The following UBA6 variants were observed in gnomAD, a reference collection of about 807,000 sequenced individuals.
UBA6 encodes the protein ubiquitin like modifier activating enzyme 6, also known as ubiquitin-like modifier-activating enzyme 6.
Under a neutral mutation model 148.3 loss-of-function variants are expected in UBA6, and 87 were observed. That is an observed-to-expected ratio of 0.59 (90% CI 0.49 to 0.70). The LOEUF (loss-of-function observed/expected upper bound fraction) is 0.70, where lower values mean the gene tolerates loss of function less well. Ranked by LOEUF, UBA6 falls within the 30% of genes least tolerant of loss-of-function variation. The pLI is 0.00. For missense variants in UBA6, 1,186 were observed against 1,241.2 expected, an observed-to-expected ratio of 0.96 and a Z score of 0.67; for synonymous variants, 376 against 401.0, an observed-to-expected ratio of 0.94 and a Z score of 0.75.
intron 19 of UBA6, among the ~76,000 whole-genome samples, chr4:67,637,126 G>C (rs548576565): frequency 6.6e-6 from 1 of 151,420 alleles, no homozygotes; most frequent in African/African-American, 2.4e-5. Flanking sequence ...CAGCCACCCC[G>C]TCTGGGAAGT....
chr4:67,657,826 C>CA (rs57984969), intron 13 of UBA6, among the ~76,000 whole-genome samples: 48,588 of 114,662 alleles, frequency 0.42, 10,088 homozygotes, highest in East Asian at 0.64. Context: ...AACAAATTTA[C>CA]AAAAAAAAAA....
At chr4:67,649,440 T>C (rs1170151377) in intron 13 of UBA6, among the ~76,000 whole-genome samples, 10 of 152,226 alleles carry the variant, frequency 6.6e-5, no homozygotes, top group African/African-American at 1.9e-4. Context: ...CTTTGGATTC[T>C]ATATGTCACT....
intron 6 of UBA6, 37 bp from the exon 7 acceptor site, chr4:67,673,814 C>T (rs1476251899): frequency 2.8e-6 from 4 of 1,449,920 alleles, no homozygotes; most frequent in African/African-American, 1.4e-5. Context: ...CTAGAAAATA[C>T]ATAATTATTT....
At chr4:67,689,499 A>C (rs1415735816) in intron 2 of UBA6, among the ~76,000 whole-genome samples, 1 of 152,080 alleles carries the variant, frequency 6.6e-6, no homozygotes, top group African/African-American at 2.4e-5. Context: ...AATGCCCCAA[A>C]TGCCCCAATT....
At chr4:67,630,645 G>T in intron 25 of UBA6, 110 bp from the exon 26 acceptor site, 1 of 644,390 alleles carries the variant, frequency 1.6e-6, no homozygotes, top group Non-Finnish European at 2.4e-6. Flanking sequence ...TATAACCACA[G>T]AATTATTATT....
intron 13 of UBA6, among the ~76,000 whole-genome samples, chr4:67,651,670 G>A (rs886945686): frequency 2.0e-5 from 3 of 152,006 alleles, no homozygotes; most frequent in African/African-American, 7.3e-5. Context: ...TTGAGAAACA[G>A]ACTAAACCTG....
chr4:67,680,469 T>A (rs1730406312), intron 4 of UBA6, among the ~76,000 whole-genome samples: 1 of 151,988 alleles, frequency 6.6e-6, no homozygotes, highest in South Asian at 2.1e-4. Flanking sequence ...ACAAATAAAT[T>A]GCAAGAAAAA....
intron 2 of UBA6, among the ~76,000 whole-genome samples, chr4:67,689,340 T>C (rs950283211): frequency 5.9e-5 from 9 of 152,146 alleles, no homozygotes; most frequent in African/African-American, 4.8e-5. Flanking sequence ...CTGTATAGTA[T>C]ACAAGTATCT....
intron 18 of UBA6, among the ~76,000 whole-genome samples, 165 bp from the exon 19 acceptor site, chr4:67,639,289 A>G (rs571251893): frequency 6.6e-6 from 1 of 152,360 alleles, no homozygotes; most frequent in East Asian, 1.9e-4. Context: ...TAGAAATTAC[A>G]TTCACTGTAA....
intron 13 of UBA6, among the ~76,000 whole-genome samples, chr4:67,649,752 A>C (rs1168631497): frequency 6.6e-6 from 1 of 152,234 alleles, no homozygotes. Flanking sequence ...ATCTCAAAAC[A>C]GAACATTTTA....
At chr4:67,698,846 G>A (rs1247685990) in intron 1 of UBA6, among the ~76,000 whole-genome samples, 1 of 152,014 alleles carries the variant, frequency 6.6e-6, no homozygotes, top group Admixed American at 6.5e-5. Context: ...TGTATTCCCA[G>A]CTACTTGGGA....
Position 67,624,998 on chromosome 4 carries a change from C to T in UBA6, c.2708G>A (p.Gly903Asp). The T allele has an allele frequency of 6.3e-7, 1 of 1,598,296 alleles. No individual in the cohort carries two copies. Among genetic ancestry groups the T allele is most frequent in the Non-Finnish European group, 8.6e-7 (1 of 1,168,956 alleles). Reference sequence around the variant, plus strand: ...TTCAAGGAATAATAAACTTACCAAGCCAGAAACTGTAGCAGTGGTTGTTGC... The same window carrying T: ...TTCAAGGAATAATAAACTTACCAAGTCAGAAACTGTAGCAGTGGTTGTTGC... ...AIATTTATVSGLVALEMIKVT... is the reference protein window; with the variant it reads ...AIATTTATVSDLVALEMIKVT... The change falls in exon 29 of 33, where the codon GGC (glycine) becomes GAC (aspartate). Residue 903 changes from glycine (G) to aspartate (D), a missense_variant. Coordinates refer to ENST00000322244, the MANE Select transcript of UBA6 (RefSeq NM_018227.6).
intron 27 of UBA6, among the ~76,000 whole-genome samples, chr4:67,626,938 C>T (rs576291809): frequency 1.3e-5 from 2 of 152,050 alleles, no homozygotes; most frequent in South Asian, 4.1e-4. Context: ...CTAACTAGTA[C>T]AGAGCTGCTT....
Position 67,616,350 on chromosome 4 carries a change from T to C in UBA6, c.*2647A>G. The C allele has an allele frequency of 2.7e-6, 1 of 368,402 alleles. No homozygotes were observed. The highest frequency in any genetic ancestry group is 7.0e-4 in the Middle Eastern group (1 of 1,432). 22.8% of individuals were successfully genotyped at this position (368,402 alleles called of 1,614,324 possible). ...AAAATTTCAAAAGAACAATTTTCTA[T>C]CTTCATTTTACTAATTATAAAATAA... On this transcript the variant is annotated 3_prime_UTR_variant, in exon 33 of 33. Transcript: ENST00000322244.
intron 12 of UBA6, 151 bp from the exon 13 acceptor site, chr4:67,662,406 T>G: frequency 1.8e-6 from 1 of 566,660 alleles, no homozygotes; most frequent in Non-Finnish European, 3.1e-6. Flanking sequence ...TTAAAGATGA[T>G]TGGCTTATAA....
Position 67,629,160 on chromosome 4 carries a change from A to G in UBA6, c.2329-18T>C, listed in dbSNP as rs1362578226. The G allele has an allele frequency of 1.3e-6, 2 of 1,522,678 alleles. No homozygotes were observed. The highest frequency in any genetic ancestry group is 9.1e-7 in the Non-Finnish European group (1 of 1,099,536). The allele number at this position is 1,522,678 out of a possible 1,614,324, so 94.3% of individuals were successfully genotyped here. A position where few individuals can be genotyped will look rare whatever the true frequency, so the allele number is the denominator to read the frequency against. On this transcript the variant is annotated intron_variant, in intron 26 of 32. Coordinates refer to ENST00000322244, the MANE Select transcript of UBA6 (RefSeq NM_018227.6). ...GATAAGTCCTGTTTTTAAAAAAGTA[A>G]TTTTACCAACAAACATATTCTTCTA...
Position 67,633,486 on chromosome 4 carries a change from A to G in UBA6, c.2014-13T>C. 1 of 1,566,982 alleles carries G rather than the reference A, an allele frequency of 6.4e-7. No homozygotes were observed. Among genetic ancestry groups the G allele is most frequent in the Non-Finnish European group, 8.6e-7 (1 of 1,166,272 alleles). ...CACTCTGTATCTTCTAGAATGGGAG[A>G]GAAAAAAAAAATCAACATACTTCCA... On this transcript the variant is annotated splice_polypyrimidine_tract_variant and intron_variant, in intron 22 of 32. Transcript: ENST00000322244.
chr4:67,686,192 T>C (rs1003919724), intron 2 of UBA6, among the ~76,000 whole-genome samples: 2 of 152,206 alleles, frequency 1.3e-5, no homozygotes, highest in African/African-American at 4.8e-5. Context: ...TTTTACCCAC[T>C]AGTCTTAGTT....
At chr4:67,624,014 TAC>T in intron 30 of UBA6, 110 bp downstream of exon 30, 2 of 902,790 alleles carry the variant, frequency 2.2e-6, no homozygotes, top group Non-Finnish European at 3.1e-6. Context: ...GGCAAAAATT[TAC>T]ACATACACAA....
Sources: gnomAD v4.1 joint callset for allele counts (sites outside exome capture counted in the v4.1 genomes callset) on GRCh38, gnomAD v4.1.1 for gene constraint, MANE v1.5 for transcripts, NCBI Gene and HGNC (gene_info 2026-07-23, HGNC 2026-07-21) for gene names.